Variants in RLN2 observed in about 807,000 individuals in gnomAD.
RLN2 encodes the protein prorelaxin H2.
Under a neutral mutation model 7.3 loss-of-function variants are expected in RLN2, and 10 were observed. That is an observed-to-expected ratio of 1.36 (90% confidence interval 0.84 to 2.31). RLN2 has a LOEUF of 2.31. Ranked by LOEUF, RLN2 falls within the 30% of genes most tolerant of loss-of-function variation. The pLI, the probability that RLN2 is intolerant of heterozygous loss-of-function variation, is 0.00. For synonymous variants in RLN2, 103 were observed against 82.3 expected, an observed-to-expected ratio of 1.25 and a Z score of -1.36; for missense variants, 298 against 217.6, an observed-to-expected ratio of 1.37 and a Z score of -2.32.
chr9:5,323,383 T>A, the RLN2 span, among the ~76,000 whole-genome samples: 1 of 152,066 alleles, frequency 6.6e-6, no homozygotes, highest in Admixed American at 6.6e-5. Context: ...ACAGTAGTTT[T>A]TCTCCTAATA....
At chr9:5,326,896 C>A in the RLN2 span, among the ~76,000 whole-genome samples, 1 of 151,850 alleles carries the variant, frequency 6.6e-6, no homozygotes, top group African/African-American at 2.4e-5. Flanking sequence ...GAGGAAGGGG[C>A]ATTAAAAATA....
chr9:5,330,304 G>A, the RLN2 span, among the ~76,000 whole-genome samples: 6 of 151,992 alleles, frequency 3.9e-5, no homozygotes, highest in Admixed American at 2.0e-4. Context: ...ATAAAAGAAA[G>A]CAGGAGAGAT....
intron 1 of RLN2, among the ~76,000 whole-genome samples, chr9:5,300,905 A>C (rs1311262861): frequency 6.6e-6 from 1 of 152,224 alleles, no homozygotes; most frequent in African/African-American, 2.4e-5. Flanking sequence ...AAGCTATTGA[A>C]TATTTCATGG....
chr9:5,335,975 C>G, the RLN2 span, among the ~76,000 whole-genome samples: 1 of 152,028 alleles, frequency 6.6e-6, no homozygotes, highest in African/African-American at 2.4e-5. Flanking sequence ...TCTTACTTAA[C>G]TCGTTTTCTT....
the RLN2 span, among the ~76,000 whole-genome samples, chr9:5,328,323 T>A: frequency 1.3e-5 from 2 of 151,970 alleles, no homozygotes; most frequent in Admixed American, 1.3e-4. Context: ...TGATTGAAGA[T>A]CAAATTAATG....
upstream of RLN2, among the ~76,000 whole-genome samples, chr9:5,306,101 T>TG (rs1554618109): frequency 0.016 from 2,247 of 138,046 alleles, 58 homozygotes; most frequent in African/African-American, 0.051. Context: ...TCTTTGTTTT[T>TG]GTTTTTTGTT....
chr9:5,313,154 T>C, the RLN2 span, among the ~76,000 whole-genome samples: 1 of 151,954 alleles, frequency 6.6e-6, no homozygotes, highest in African/African-American at 2.4e-5. Context: ...ATGATTTTTG[T>C]GTTGCTGAAA....
At chr9:5,313,269 T>C in the RLN2 span, among the ~76,000 whole-genome samples, 2 of 152,080 alleles carry the variant, frequency 1.3e-5, no homozygotes, top group Admixed American at 6.6e-5. Flanking sequence ...TGAATGCATA[T>C]GTATTTACTT....
the RLN2 span, among the ~76,000 whole-genome samples, chr9:5,310,756 C>A: frequency 6.6e-6 from 1 of 152,026 alleles, no homozygotes. Flanking sequence ...AAAAGTAATT[C>A]TAATTCCTCC....
chr9:5,301,468 T>C (rs1258331772), intron 1 of RLN2, among the ~76,000 whole-genome samples: 1 of 152,228 alleles, frequency 6.6e-6, no homozygotes, highest in Non-Finnish European at 1.5e-5. Flanking sequence ...TCTCCTAACC[T>C]TAACTGTCCT....
the RLN2 span, chr9:5,335,139 T>A: frequency 9.9e-6 from 6 of 604,982 alleles, no homozygotes; most frequent in African/African-American, 1.1e-4. Flanking sequence ...ATCTAAACAT[T>A]AATAAAGATT....
At chr9:5,300,503 G>A in intron 1 of RLN2, 59 bp from the exon 2 acceptor site, 1 of 1,116,304 alleles carries the variant, frequency 9.0e-7, no homozygotes. Context: ...AGAGCACTCA[G>A]AAAAACTATG....
the RLN2 span, chr9:5,335,273 C>A: frequency 1.9e-6 from 3 of 1,594,042 alleles, no homozygotes; most frequent in South Asian, 1.2e-5. Flanking sequence ...AGCAAGAGAC[C>A]TTTTGGTACA....
the RLN2 span, among the ~76,000 whole-genome samples, chr9:5,320,017 A>T: frequency 6.8e-6 from 1 of 146,268 alleles, no homozygotes; most frequent in Non-Finnish European, 1.5e-5. Flanking sequence ...ACGGAGTATC[A>T]CTCTGTCACC....
At chr9:5,315,954 G>T in the RLN2 span, among the ~76,000 whole-genome samples, 1 of 151,986 alleles carries the variant, frequency 6.6e-6, no homozygotes, top group African/African-American at 2.4e-5. Flanking sequence ...GCTTAAGGGA[G>T]TCTTCAAGTG....
chr9:5,334,378 A>AATG, the RLN2 span, among the ~76,000 whole-genome samples: 1 of 152,070 alleles, frequency 6.6e-6, no homozygotes, highest in Non-Finnish European at 1.5e-5. Flanking sequence ...TTGTCATTCA[A>AATG]CTGTATTTCT....
chr9:5,307,087 T>C (rs1336152048), upstream of RLN2, among the ~76,000 whole-genome samples: 1 of 152,028 alleles, frequency 6.6e-6, no homozygotes, highest in Non-Finnish European at 1.5e-5. Flanking sequence ...GTCTATATGC[T>C]TAGACACAGC....
the RLN2 span, among the ~76,000 whole-genome samples, chr9:5,326,635 C>T: frequency 1.2e-4 from 19 of 152,054 alleles, no homozygotes; most frequent in East Asian, 3.1e-3. Flanking sequence ...CAGAGAATGC[C>T]CAGGTCTCCA....
the RLN2 span, among the ~76,000 whole-genome samples, chr9:5,329,041 C>T: frequency 6.7e-3 from 1,012 of 152,024 alleles, 43 homozygotes; most frequent in Admixed American, 0.046. Context: ...CGGTGGCTCA[C>T]GCCTGTAATC....
Sources: gnomAD v4.1 joint callset for allele counts (sites outside exome capture counted in the v4.1 genomes callset) on GRCh38, gnomAD v4.1.1 for gene constraint, MANE v1.5 for transcripts, NCBI Gene and HGNC (gene_info 2026-07-23, HGNC 2026-07-21) for gene names.